Variants in KPNA7 observed in about 807,000 individuals in gnomAD.
KPNA7 encodes the protein karyopherin subunit alpha 7, also known as importin subunit alpha-8.
Under a neutral mutation model 53.7 loss-of-function variants are expected in KPNA7, and 54 were observed. The observed-to-expected ratio is 1.01, with a 90% confidence interval of 0.81 to 1.26. The LOEUF is 1.26. Ranked by LOEUF, KPNA7 falls within the 50% of genes most tolerant of loss-of-function variation. The probability of loss-of-function intolerance (pLI) is 0.00; values close to 1 mark genes in which losing one functional copy is unlikely to be tolerated. For missense variants in KPNA7, 640 were observed against 644.5 expected, an observed-to-expected ratio of 0.99 and a Z score of 0.07; for synonymous variants, 276 against 259.3, an observed-to-expected ratio of 1.06 and a Z score of -0.62.
intron 6 of KPNA7, among the ~76,000 whole-genome samples, chr7:99,191,160 A>G (rs1038733163): frequency 7.4e-6 from 1 of 134,682 alleles, no homozygotes; most frequent in African/African-American, 2.7e-5. Context: ...CTGCTATACA[A>G]TTTTTTTTTT....
chr7:99,152,246 C>T, the KPNA7 span, among the ~76,000 whole-genome samples: 1 of 151,876 alleles, frequency 6.6e-6, no homozygotes, highest in Admixed American at 6.6e-5. Flanking sequence ...CCTATAATCC[C>T]AGTTACACGG....
At chr7:99,169,117 C>G (rs1024969515), downstream of KPNA7, among the ~76,000 whole-genome samples, 3 of 152,098 alleles carry the variant, frequency 2.0e-5, no homozygotes, top group Admixed American at 6.6e-5. Flanking sequence ...GATCGCGCCA[C>G]TTCACTCCAG....
At position 99,182,184 on chromosome 7, in the gene KPNA7, T is replaced by C. The variant is rs527844717; in HGVS notation, c.1135-119A>G. 3.6e-5 allele frequency: 25 copies of C among 685,192 alleles called. No homozygotes were observed. The East Asian group carries it at 6.7e-4, about 18-fold the overall frequency. 42.4% of individuals were successfully genotyped at this position (685,192 alleles called of 1,614,324 possible). On this transcript the variant is annotated intron_variant, in intron 8 of 10. Transcript: ENST00000327442. ...GCCAGGACTGCATGTACAATTTACA[T>C]AGAATGCCTTGGCTACCTGCCTCTA...
intron 2 of KPNA7, 39 bp from the exon 3 acceptor site, chr7:99,203,279 G>A (rs1790643797): frequency 1.9e-6 from 3 of 1,540,056 alleles, no homozygotes; most frequent in South Asian, 2.4e-5. Flanking sequence ...AGAACCAGGA[G>A]TGGGGATGTC....
chr7:99,166,110 T>C, the KPNA7 span, among the ~76,000 whole-genome samples: 3 of 152,180 alleles, frequency 2.0e-5, no homozygotes, highest in South Asian at 6.2e-4. Context: ...TTCCCAGCCA[T>C]GCTTCCTGTG....
intron 3 of KPNA7, among the ~76,000 whole-genome samples, chr7:99,201,696 AAC>A (rs1790547346): frequency 6.6e-6 from 1 of 150,882 alleles, no homozygotes; most frequent in East Asian, 2.0e-4. Flanking sequence ...CCAAAAGAAA[AAC>A]AACTTTTTGG....
rs369431218 is a variant in KPNA7, at chr7:99,180,591, G to A, written c.1317+1292C>T. ...TCCATCTGTCTCTGTCCATCTCTCC[G>A]TCTCTCCGTCTCTGTCTCTCTCCCC... On this transcript the variant is annotated intron_variant, in intron 9 of 10. Coordinates refer to ENST00000327442, the MANE Select transcript of KPNA7 (RefSeq NM_001145715.3). Among the ~76,000 whole-genome samples, 28 of 116,380 alleles carry A rather than the reference G, an allele frequency of 2.4e-4. 3 individuals carry two copies. Among genetic ancestry groups the A allele is most frequent in the African/African-American group, 5.5e-4 (15 of 27,494 alleles). The allele number at this position is 116,380 out of a possible 152,430, so 76.3% of individuals were successfully genotyped here.
the KPNA7 span, among the ~76,000 whole-genome samples, chr7:99,151,227 G>T: frequency 6.6e-6 from 1 of 152,104 alleles, no homozygotes; most frequent in Admixed American, 6.6e-5. Flanking sequence ...CTGTGTGTCT[G>T]TCTGTTTAGC....
the KPNA7 span, among the ~76,000 whole-genome samples, chr7:99,166,789 T>G: frequency 4.6e-5 from 7 of 151,928 alleles, no homozygotes; most frequent in East Asian, 1.9e-4. Context: ...CCAGCTAATT[T>G]TTTGTATCTT....
the KPNA7 span, among the ~76,000 whole-genome samples, chr7:99,149,693 G>A: frequency 1.3e-5 from 2 of 152,170 alleles, no homozygotes; most frequent in Admixed American, 6.5e-5. Flanking sequence ...TGGTGCCTCT[G>A]AGGCCAGTGG....
intron 8 of KPNA7, among the ~76,000 whole-genome samples, 197 bp downstream of exon 8, chr7:99,184,732 G>T (rs1037110970): frequency 6.6e-6 from 1 of 151,988 alleles, no homozygotes; most frequent in Admixed American, 6.6e-5. Flanking sequence ...TGCTTGTTCC[G>T]TCTTCCAAAT....
At chr7:99,219,410 T>G (rs1267964155) in intron 1 of KPNA7, among the ~76,000 whole-genome samples, 1 of 152,190 alleles carries the variant, frequency 6.6e-6, no homozygotes, top group East Asian at 1.9e-4. Context: ...AATTAGCGTT[T>G]ACTCCCAAGG....
intron 10 of KPNA7, among the ~76,000 whole-genome samples, chr7:99,174,305 G>A (rs182217340): frequency 4.6e-5 from 7 of 152,128 alleles, no homozygotes; most frequent in Non-Finnish European, 7.4e-5. Context: ...AGATGGGATC[G>A]TCTAGTTGCA....
At chr7:99,145,922 T>A in the KPNA7 span, among the ~76,000 whole-genome samples, 1 of 152,194 alleles carries the variant, frequency 6.6e-6, no homozygotes, top group Non-Finnish European at 1.5e-5. Flanking sequence ...GCTCTTTCAG[T>A]TATCCTCAAG....
Position 99,213,456 on chromosome 7 carries a change from A to AAGAG in KPNA7, c.-23-5971_-23-5968dup, listed in dbSNP as rs982801174. Among the ~76,000 whole-genome samples, 42 of 126,162 alleles carry AAGAG rather than the reference A, an allele frequency of 3.3e-4. 1 individual carries two copies. The highest frequency in any genetic ancestry group is 1.1e-3 in the African/African-American group (33 of 31,126). 82.8% of individuals were successfully genotyped at this position (126,162 alleles called of 152,430 possible). On this transcript the variant is annotated intron_variant, in intron 1 of 10. Coordinates refer to the KPNA7 transcript ENST00000681060. ...AAAAAAAAAAAAAAAAAAAAAAAAA[A>AAGAG]AGAGAGAGAGACAGAGTCTCATTGT...
At chr7:99,207,720 C>T (rs1038400053) in intron 1 of KPNA7, among the ~76,000 whole-genome samples, 14 of 145,946 alleles carry the variant, frequency 9.6e-5, no homozygotes, top group African/African-American at 3.6e-4. Context: ...ACTGCAACCT[C>T]CGCCTCCCGG....
At chr7:99,194,269 C>T (rs7788790) in intron 5 of KPNA7, among the ~76,000 whole-genome samples, 12,963 of 152,234 alleles carry the variant, frequency 0.085, 577 homozygotes, top group South Asian at 0.15. Context: ...GCATCGATTG[C>T]CACATTCAGA....
chr7:99,200,728 C>T (rs1790482268), intron 3 of KPNA7, among the ~76,000 whole-genome samples: 4 of 152,162 alleles, frequency 2.6e-5, no homozygotes, highest in Non-Finnish European at 5.9e-5. Flanking sequence ...GTAATCCCAG[C>T]ACTTTAGGAG....
chr7:99,187,537 C>CA (rs1789660539), intron 7 of KPNA7, among the ~76,000 whole-genome samples: 1 of 148,282 alleles, frequency 6.7e-6, no homozygotes, highest in African/African-American at 2.5e-5. Flanking sequence ...TACAGGTATG[C>CA]ACCACCACAC....
Sources: gnomAD v4.1 joint callset for allele counts (sites outside exome capture counted in the v4.1 genomes callset) on GRCh38, gnomAD v4.1.1 for gene constraint, MANE v1.5 for transcripts, NCBI Gene and HGNC (gene_info 2026-07-23, HGNC 2026-07-21) for gene names.